KDM4C: variants seen among roughly 807,000 people sequenced by gnomAD.
KDM4C encodes the protein lysine demethylase 4C, also known as lysine-specific demethylase 4C.
Under a neutral mutation model 129.3 loss-of-function variants are expected in KDM4C, and 81 were observed. That is an observed-to-expected ratio of 0.63 (90% CI 0.52 to 0.75). The LOEUF (loss-of-function observed/expected upper bound fraction) is 0.75. KDM4C is among the 30% of genes least tolerant of loss of function. The pLI, the probability that KDM4C is intolerant of heterozygous loss-of-function variation, is 0.00. For missense variants in KDM4C, 1,457 were observed against 1,304.0 expected, an observed-to-expected ratio of 1.12 and a Z score of -1.81; for synonymous variants, 573 against 456.1, an observed-to-expected ratio of 1.26 and a Z score of -3.26.
chr9:7,139,383 C>T (rs1841523406), intron 19 of KDM4C, among the ~76,000 whole-genome samples: 1 of 152,210 alleles, frequency 6.6e-6, no homozygotes, highest in Non-Finnish European at 1.5e-5. Context: ...AAAGCAGCTT[C>T]TTTGATTTAC....
At chr9:7,034,230 T>C (rs1359430952) in intron 15 of KDM4C, among the ~76,000 whole-genome samples, 2 of 152,212 alleles carry the variant, frequency 1.3e-5, no homozygotes, top group Non-Finnish European at 2.9e-5. Flanking sequence ...ATACCTCCTC[T>C]AGCTATTTGA....
chr9:6,815,919 T>A (rs772915560), intron 4 of KDM4C, among the ~76,000 whole-genome samples: 36 of 152,232 alleles, frequency 2.4e-4, no homozygotes, highest in Non-Finnish European at 3.8e-4. Context: ...CTGTCTTTGA[T>A]GTATGATGCA....
At chr9:6,918,804 G>C (rs1023656100) in intron 8 of KDM4C, among the ~76,000 whole-genome samples, 1 of 151,648 alleles carries the variant, frequency 6.6e-6, no homozygotes, top group Non-Finnish European at 1.5e-5. Flanking sequence ...ATCTTTGTTG[G>C]CCGCTTGTAT....
At chr9:6,974,017 T>C (rs899786984) in intron 8 of KDM4C, 1 of 152,248 alleles carries the variant, frequency 6.6e-6, no homozygotes, top group Non-Finnish European at 1.5e-5. Context: ...GGTTACGAAA[T>C]TGAAAAACCC....
Position 6,888,818 on chromosome 9 carries a change from C to T in KDM4C, c.783+755C>T, listed in dbSNP as rs1218736218. Among the ~76,000 whole-genome samples, 2 of 86,640 alleles carry T rather than the reference C, an allele frequency of 2.3e-5. 1 individual carries two copies. The highest frequency in any genetic ancestry group is 4.4e-5 in the Non-Finnish European group (2 of 45,134). 56.8% of individuals were successfully genotyped at this position (86,640 alleles called of 152,430 possible). A position where few individuals can be genotyped will look rare whatever the true frequency, so the allele number is the denominator to read the frequency against. On this transcript the variant is annotated intron_variant, in intron 7 of 21. Coordinates refer to ENST00000381309, the MANE Select transcript of KDM4C (RefSeq NM_015061.6). ...TTTTTTTTTTTTTGAGACGGAGTCT[C>T]GCTCTGTCGCCCAGGCTGGAGTGCA...
chr9:7,064,130 A>G lies in KDM4C; in HGVS notation c.2424+14930A>G, dbSNP rs76310920. On this transcript the variant is annotated intron_variant, in intron 17 of 21. Transcript: ENST00000381309. Reference sequence around the variant, plus strand: ...AAACTGAAGCACTTTAGATACAACTATAGTTTTGGTAGGCCTACCTTTCAC... The same window carrying G: ...AAACTGAAGCACTTTAGATACAACTGTAGTTTTGGTAGGCCTACCTTTCAC... Among the ~76,000 whole-genome samples, 845 of 152,336 alleles carry G rather than the reference A, an allele frequency of 5.5e-3. 62 individuals are homozygous for G. The East Asian group carries it at 0.14, about 25-fold the overall frequency.
chr9:7,139,238 G>A (rs958559161), intron 19 of KDM4C, among the ~76,000 whole-genome samples: 1 of 152,184 alleles, frequency 6.6e-6, no homozygotes, highest in Non-Finnish European at 1.5e-5. Flanking sequence ...TTCTGCCGCT[G>A]CTCTCCAGTC....
chr9:6,893,380 C>A, intron 8 of KDM4C, 148 bp downstream of exon 8: 1 of 503,948 alleles, frequency 2.0e-6, no homozygotes, highest in Non-Finnish European at 3.3e-6. Flanking sequence ...AGGCTCGATA[C>A]ATTTATTTTA....
At chr9:7,137,907 T>TA (rs1264814269) in intron 19 of KDM4C, among the ~76,000 whole-genome samples, 1 of 152,242 alleles carries the variant, frequency 6.6e-6, no homozygotes, top group Admixed American at 6.5e-5. Context: ...AGAGTGAACT[T>TA]AGATTCTTAT....
intron 17 of KDM4C, among the ~76,000 whole-genome samples, chr9:7,060,828 G>A (rs906445499): frequency 6.6e-5 from 10 of 152,154 alleles, no homozygotes; most frequent in Non-Finnish European, 1.0e-4. Context: ...CAGTTGCGTG[G>A]GCATGCATAT....
chr9:6,966,842 T>TA (rs751143750), intron 8 of KDM4C, among the ~76,000 whole-genome samples: 38 of 152,284 alleles, frequency 2.5e-4, no homozygotes, highest in Non-Finnish European at 5.0e-4. Context: ...AGCTATTAGA[T>TA]GAAAATATAG....
intron 12 of KDM4C, among the ~76,000 whole-genome samples, chr9:7,003,411 G>C (rs1000266130): frequency 2.0e-5 from 3 of 151,566 alleles, no homozygotes; most frequent in African/African-American, 7.3e-5. Flanking sequence ...TCTCCTCAGA[G>C]GTAGCATAAT....
At chr9:6,886,433 C>T (rs1845270621) in intron 6 of KDM4C, among the ~76,000 whole-genome samples, 1 of 151,394 alleles carries the variant, frequency 6.6e-6, no homozygotes, top group African/African-American at 2.4e-5. Context: ...ATGCCTTAGC[C>T]TCCTGAGCAG....
Position 6,925,436 on chromosome 9 carries a change from T to C in KDM4C, c.921+32204T>C, listed in dbSNP as rs10125216. On this transcript the variant is annotated intron_variant, in intron 8 of 21. Transcript: ENST00000381309. ...TCCCTTTCCCCTTCCTCCTTTCCCC[T>C]TTTCCTCTTCCCCCTTCCCCCTCTC... The C allele has an allele frequency of 0.02, 18,275 of 895,712 alleles. 1,805 individuals are homozygous for C. In the African/African-American group the frequency reaches 0.24, roughly 12 times the overall value. 55.5% of individuals were successfully genotyped at this position (895,712 alleles called of 1,614,324 possible).
chr9:6,861,253 T>C (rs1034696801), intron 5 of KDM4C, among the ~76,000 whole-genome samples: 5 of 152,216 alleles, frequency 3.3e-5, no homozygotes, highest in African/African-American at 1.2e-4. Context: ...TGGTCTTGTC[T>C]CTCCCATGAG....
intron 17 of KDM4C, among the ~76,000 whole-genome samples, chr9:7,091,183 A>C (rs1313331074): frequency 6.6e-6 from 1 of 152,180 alleles, no homozygotes; most frequent in Non-Finnish European, 1.5e-5. Context: ...GATGGTTTTC[A>C]ATGGAAACTT....
chr9:7,048,609 A>G (rs1554716472), intron 16 of KDM4C, among the ~76,000 whole-genome samples: 1 of 152,104 alleles, frequency 6.6e-6, no homozygotes, highest in Non-Finnish European at 1.5e-5. Context: ...AAAGATTAGC[A>G]TTAATTCTTT....
At chr9:6,950,305 T>A (rs1266912484) in intron 8 of KDM4C, among the ~76,000 whole-genome samples, 1 of 152,192 alleles carries the variant, frequency 6.6e-6, no homozygotes, top group Non-Finnish European at 1.5e-5. Context: ...TTGTTAATGT[T>A]GGCATTTTAA....
At chr9:7,120,381 G>C (rs111266800) in intron 18 of KDM4C, among the ~76,000 whole-genome samples, 3 of 152,084 alleles carry the variant, frequency 2.0e-5, no homozygotes, top group Non-Finnish European at 4.4e-5. Flanking sequence ...TCTTATAAGG[G>C]CCTGTATAAT....
Sources: gnomAD v4.1 joint callset for allele counts (sites outside exome capture counted in the v4.1 genomes callset) on GRCh38, gnomAD v4.1.1 for gene constraint, MANE v1.5 for transcripts, NCBI Gene and HGNC (gene_info 2026-07-23, HGNC 2026-07-21) for gene names.